SVOP: variants seen among roughly 807,000 people sequenced by gnomAD.
The protein encoded by SVOP is synaptic vesicle 2-related protein.
In SVOP, 17 loss-of-function variants were observed where a neutral mutation model predicts 69.1. That is an observed-to-expected ratio of 0.25 (90% CI 0.17 to 0.37). The LOEUF (loss-of-function observed/expected upper bound fraction) is 0.37. SVOP is among the 10% of genes least tolerant of loss of function. The probability of loss-of-function intolerance (pLI) is 1.00; values close to 1 mark genes in which losing one functional copy is unlikely to be tolerated. For missense variants in SVOP, 435 were observed against 597.5 expected, an observed-to-expected ratio of 0.73 and a Z score of 2.84; for synonymous variants, 238 against 238.6, an observed-to-expected ratio of 1.00 and a Z score of 0.02.
chr12:108,952,712 A>T (rs964330182), intron 6 of SVOP, among the ~76,000 whole-genome samples: 1 of 152,162 alleles, frequency 6.6e-6, no homozygotes, highest in Non-Finnish European at 1.5e-5. Flanking sequence ...TTTAAAAATT[A>T]GCTGGGCGTG....
intron 5 of SVOP, among the ~76,000 whole-genome samples, chr12:108,965,532 T>C (rs552406667): frequency 1.3e-5 from 2 of 152,324 alleles, no homozygotes; most frequent in South Asian, 2.1e-4. Flanking sequence ...GCCTCCAGAT[T>C]ACCTGATTTT....
At chr12:109,006,684 T>G (rs2040309909) in intron 1 of SVOP, among the ~76,000 whole-genome samples, 1 of 152,164 alleles carries the variant, frequency 6.6e-6, no homozygotes, top group Admixed American at 6.5e-5. Context: ...CATGCCTGGT[T>G]CTGGGGTGAT....
rs888558374 is a variant in SVOP at position 108,937,092 on chromosome 12, G to C, written c.971+172C>G. Reference sequence around the variant, plus strand: ...AAAAAGATGAAGGAAATGATAGTACGTACAGATGATAACCTGGATATGACG... The same window carrying C: ...AAAAAGATGAAGGAAATGATAGTACCTACAGATGATAACCTGGATATGACG... On this transcript the variant is annotated intron_variant, in intron 10 of 15. Transcript: ENST00000610966. 1.2e-4 allele frequency: 80 copies of C among 666,620 alleles called. 1 individual carries two copies. In the South Asian group the frequency reaches 1.3e-3, roughly 11 times the overall value. 41.3% of individuals were successfully genotyped at this position (666,620 alleles called of 1,614,324 possible).
intron 2 of SVOP, among the ~76,000 whole-genome samples, chr12:108,981,011 T>C (rs1401988225): frequency 1.3e-5 from 2 of 152,200 alleles, no homozygotes; most frequent in Non-Finnish European, 2.9e-5. Flanking sequence ...GGAGGTGTCA[T>C]CTTTTTGGAA....
chr12:108,997,267 G>A (rs11066645), intron 1 of SVOP, among the ~76,000 whole-genome samples: 2 of 152,292 alleles, frequency 1.3e-5, no homozygotes, highest in East Asian at 3.9e-4. Flanking sequence ...TTAAAAAACG[G>A]CGCACCACGA....
chr12:108,991,948 A>C (rs1342130624), intron 1 of SVOP, among the ~76,000 whole-genome samples: 1 of 152,122 alleles, frequency 6.6e-6, no homozygotes, highest in Admixed American at 6.5e-5. Context: ...CTGACTCTAA[A>C]GAAATAAAGA....
At chr12:108,978,376 G>C (rs1377930681) in intron 3 of SVOP, 1 of 513,458 alleles carries the variant, frequency 1.9e-6, no homozygotes, top group Non-Finnish European at 3.4e-6. Context: ...CTTCTTGGGG[G>C]CAACTGCCAA....
rs144679281 is a variant in SVOP at position 108,935,307 on chromosome 12, T to C, written c.972-1036A>G. On this transcript the variant is annotated intron_variant, in intron 10 of 15. Coordinates refer to ENST00000610966, the MANE Select transcript of SVOP (RefSeq NM_018711.5). Reference sequence around the variant, plus strand: ...ACCTTCTCATCCAGTAGAATAGTTATATGAAAACTCAGTCATAATCAGAAG... The same window carrying C: ...ACCTTCTCATCCAGTAGAATAGTTACATGAAAACTCAGTCATAATCAGAAG... Among the ~76,000 whole-genome samples the C allele has an allele frequency of 1.1e-3, 164 of 152,332 alleles. 2 individuals are homozygous for C. In the East Asian group the frequency reaches 0.023, roughly 22 times the overall value.
chr12:109,017,448 T>G (rs2040373428), intron 1 of SVOP, among the ~76,000 whole-genome samples: 1 of 152,044 alleles, frequency 6.6e-6, no homozygotes, highest in Non-Finnish European at 1.5e-5. Context: ...ACACGTATGC[T>G]GTCCAATATA....
At chr12:108,976,682 C>A (rs1039001552) in intron 4 of SVOP, among the ~76,000 whole-genome samples, 1 of 151,240 alleles carries the variant, frequency 6.6e-6, no homozygotes, top group Non-Finnish European at 1.5e-5. Context: ...ATGGCACAAT[C>A]TCAGCTCACT....
intron 15 of SVOP, 77 bp from the exon 16 acceptor site, chr12:108,912,818 T>A: frequency 7.1e-7 from 1 of 1,401,066 alleles, no homozygotes; most frequent in Non-Finnish European, 9.8e-7. Flanking sequence ...ATAGTATTAG[T>A]AACATCAGGC....
intron 5 of SVOP, among the ~76,000 whole-genome samples, chr12:108,972,161 T>C (rs1462310579): frequency 6.6e-6 from 1 of 151,546 alleles, no homozygotes; most frequent in East Asian, 1.9e-4. Context: ...GAAATGGTTC[T>C]GGTCCAGGGG....
chr12:109,006,888 A>G (rs1202188592), intron 1 of SVOP, among the ~76,000 whole-genome samples: 1 of 152,232 alleles, frequency 6.6e-6, no homozygotes, highest in Non-Finnish European at 1.5e-5. Context: ...ATGCTGAAGC[A>G]TCAGAATATA....
At chr12:108,937,221 A>G in intron 10 of SVOP, 43 bp downstream of exon 10, 1 of 1,600,538 alleles carries the variant, frequency 6.2e-7, no homozygotes, top group Non-Finnish European at 8.6e-7. Context: ...AACAGGGCAC[A>G]GGGAGTGGAA....
At position 108,997,669 on chromosome 12, in the gene SVOP, C is replaced by A. The variant is rs966247064; in HGVS notation, c.36-13908G>T. ...TCCCTGACCCCTGACCCCCGAGCAG[C>A]CTAACTGGGAGGCACCCCCCAGCAG... On this transcript the variant is annotated intron_variant, in intron 1 of 15. Transcript: ENST00000610966. 3.5e-4 allele frequency among the ~76,000 whole-genome samples: 53 copies of A among 151,594 alleles called. 1 individual carries two copies. The highest frequency in any genetic ancestry group is 1.2e-3 in the African/African-American group (48 of 41,306).
chr12:108,912,712 A>C lies in SVOP; in HGVS notation c.1470T>G (p.Thr490=). The change falls in exon 16 of 16, where the codon ACT becomes ACG. Residue 490 remains threonine, a synonymous_variant. Coordinates refer to ENST00000610966, the MANE Select transcript of SVOP (RefSeq NM_018711.5). The part of the protein sequence containing the change: ...QVMLESSVYL[T]LAVYSGCCLL... ...GGCAGCAGCCACTGTAAACTGCCAG[A>C]GTCAGGTACACAGAGGATTCCAGCA... 1 of 1,613,954 alleles carries C rather than the reference A, an allele frequency of 6.2e-7. No homozygotes were observed. Among genetic ancestry groups the C allele is most frequent in the Non-Finnish European group, 8.5e-7 (1 of 1,179,888 alleles).
intron 11 of SVOP, among the ~76,000 whole-genome samples, chr12:108,932,574 A>C (rs2039828102): frequency 6.6e-6 from 1 of 152,172 alleles, no homozygotes; most frequent in Non-Finnish European, 1.5e-5. Context: ...ACCAAAAATG[A>C]AATCCTAAGC....
chr12:108,910,407 C>T lies in SVOP; in HGVS notation c.*2128G>A, dbSNP rs566961264. ...ACTGGGTTATTCTAGGGTGAGGGAG[C>T]GGACATGATCATCCAGTAGCGTCTG... On this transcript the variant is annotated 3_prime_UTR_variant, in exon 16 of 16. Coordinates refer to ENST00000610966, the MANE Select transcript of SVOP (RefSeq NM_018711.5). 15 of 152,232 alleles carry T rather than the reference C, an allele frequency of 9.9e-5. No homozygotes were observed. The highest frequency in any genetic ancestry group is 3.3e-4 in the Admixed American group (5 of 15,274). 9.4% of individuals were successfully genotyped at this position (152,232 alleles called of 1,614,324 possible).
intron 1 of SVOP, among the ~76,000 whole-genome samples, chr12:108,998,723 T>C (rs1356946583): frequency 4.0e-5 from 6 of 149,812 alleles, no homozygotes; most frequent in Non-Finnish European, 7.4e-5. Context: ...GCTTCATAAG[T>C]GAAGGAGAAA....
Sources: allele counts gnomAD v4.1 joint callset (sites outside exome capture counted in the v4.1 genomes callset), GRCh38; gene constraint gnomAD v4.1.1; transcripts MANE v1.5; gene names NCBI Gene and HGNC (gene_info 2026-07-23, HGNC 2026-07-21).